The following GLRA1 variants were observed in gnomAD, a reference collection of about 807,000 sequenced individuals.
The protein encoded by GLRA1 is glycine receptor alpha 1.
GLRA1 carries 37 observed loss-of-function variants against 48.3 expected under a neutral mutation model. The observed-to-expected ratio is 0.77, with a 90% confidence interval of 0.59 to 1.01. The LOEUF is 1.01. Ranked by LOEUF, GLRA1 falls within the 50% of genes least tolerant of loss-of-function variation. The pLI, the probability that GLRA1 is intolerant of heterozygous loss-of-function variation, is 0.00. For missense variants in GLRA1, 427 were observed against 571.0 expected (o/e 0.75, Z 2.57); for synonymous variants, 196 against 210.7 (o/e 0.93, Z 0.60).
chr5:151,890,999 G>A (rs141846371), intron 2 of GLRA1, among the ~76,000 whole-genome samples: 17 of 152,352 alleles, frequency 1.1e-4, no homozygotes, highest in African/African-American at 3.8e-4. Flanking sequence ...CAAGCACTCT[G>A]AGAAGGGGAC....
At chr5:151,894,393 G>A (rs1323168547) in intron 1 of GLRA1, among the ~76,000 whole-genome samples, 6 of 152,114 alleles carry the variant, frequency 3.9e-5, no homozygotes, top group Non-Finnish European at 5.9e-5. Flanking sequence ...TTATCTCAAT[G>A]TTCTGCCAGT....
chr5:151,832,598 G>GA (rs1243357591), intron 7 of GLRA1, among the ~76,000 whole-genome samples: 1 of 152,134 alleles, frequency 6.6e-6, no homozygotes, highest in Non-Finnish European at 1.5e-5. Flanking sequence ...CAAGATTAGA[G>GA]AAAAAAGAAT....
chr5:151,883,232 C>T (rs1739371862), intron 3 of GLRA1, among the ~76,000 whole-genome samples: 1 of 152,150 alleles, frequency 6.6e-6, no homozygotes, highest in Admixed American at 6.5e-5. Flanking sequence ...GAGACCATCT[C>T]CTCTGGGGTC....
chr5:151,856,822 G>A (rs572775204), intron 4 of GLRA1, among the ~76,000 whole-genome samples: 14 of 152,228 alleles, frequency 9.2e-5, no homozygotes, highest in South Asian at 8.3e-4. Context: ...ATGCCCGGCC[G>A]TGACATGATT....
At chr5:151,840,099 GT>G (rs113124430) in intron 7 of GLRA1, among the ~76,000 whole-genome samples, 57,407 of 144,622 alleles carry the variant, frequency 0.4, 10,986 homozygotes, top group South Asian at 0.46. Context: ...AGAAAATACT[GT>G]TTTTTTTTTT....
chr5:151,841,710 T>C (rs1763715684), intron 7 of GLRA1, among the ~76,000 whole-genome samples: 1 of 152,146 alleles, frequency 6.6e-6, no homozygotes, highest in South Asian at 2.1e-4. Flanking sequence ...TGTATGCCAA[T>C]AAATTTGATA....
chr5:151,848,971 G>C (rs1752759241), intron 7 of GLRA1: 3 of 714,570 alleles, frequency 4.2e-6, no homozygotes, highest in Middle Eastern at 2.6e-4. Context: ...TCCAGGCCAT[G>C]TATGTCTGGA....
At chr5:151,884,295 G>T (rs981989584) in intron 3 of GLRA1, among the ~76,000 whole-genome samples, 1 of 152,052 alleles carries the variant, frequency 6.6e-6, no homozygotes, top group Non-Finnish European at 1.5e-5. Flanking sequence ...TGGGCCTGGT[G>T]GTGCATGTCT....
intron 1 of GLRA1, among the ~76,000 whole-genome samples, chr5:151,914,341 G>A (rs1430645912): frequency 6.6e-6 from 1 of 152,150 alleles, no homozygotes; most frequent in East Asian, 1.9e-4. Flanking sequence ...GTCTGGGCTG[G>A]ATGTGGTTTT....
chr5:151,828,867 A>G (rs1763342002), intron 8 of GLRA1, 54 bp downstream of exon 8: 1 of 1,543,614 alleles, frequency 6.5e-7, no homozygotes, highest in African/African-American at 1.4e-5. Flanking sequence ...ACTGCTTAGA[A>G]CTCTTTTGTT....
intron 8 of GLRA1, among the ~76,000 whole-genome samples, chr5:151,828,010 A>C (rs1051106783): frequency 2.6e-5 from 4 of 152,198 alleles, no homozygotes; most frequent in Non-Finnish European, 5.9e-5. Flanking sequence ...GCACAGAGCA[A>C]AACCAAACAC....
chr5:151,827,212 A>G (rs1763297430), intron 8 of GLRA1, among the ~76,000 whole-genome samples: 1 of 151,190 alleles, frequency 6.6e-6, no homozygotes, highest in Non-Finnish European at 1.5e-5. Context: ...TAGGTATTAA[A>G]TGGACAATAT....
At chr5:151,848,637 G>A (rs892269272) in intron 7 of GLRA1, among the ~76,000 whole-genome samples, 1 of 152,176 alleles carries the variant, frequency 6.6e-6, no homozygotes, top group African/African-American at 2.4e-5. Context: ...TCATGGGAGC[G>A]GGAGAGTAAG....
At chr5:151,831,477 C>A (rs1170835786) in intron 7 of GLRA1, among the ~76,000 whole-genome samples, 1 of 152,142 alleles carries the variant, frequency 6.6e-6, no homozygotes, top group African/African-American at 2.4e-5. Context: ...GGAGTGTCCA[C>A]CATTACTGAG....
intron 3 of GLRA1, among the ~76,000 whole-genome samples, chr5:151,881,021 A>G (rs1753747787): frequency 6.6e-6 from 1 of 152,242 alleles, no homozygotes; most frequent in Non-Finnish European, 1.5e-5. Context: ...ACTTATATCC[A>G]TACCTATAGA....
intron 1 of GLRA1, among the ~76,000 whole-genome samples, chr5:151,922,295 T>G (rs1435671147): frequency 6.6e-6 from 1 of 152,230 alleles, no homozygotes; most frequent in Admixed American, 6.5e-5. Context: ...ATTATAATGC[T>G]TCTGTATTTT....
At chr5:151,850,223 C>T (rs1752864787) in intron 7 of GLRA1, 3 of 1,604,130 alleles carry the variant, frequency 1.9e-6, no homozygotes, top group Non-Finnish European at 2.6e-6. Flanking sequence ...ACCAGGCCTG[C>T]TTGTATGCTG....
chr5:151,889,791 G>A (rs1754013500), intron 2 of GLRA1, among the ~76,000 whole-genome samples: 1 of 152,098 alleles, frequency 6.6e-6, no homozygotes, highest in Non-Finnish European at 1.5e-5. Context: ...AGGCATCAAA[G>A]GGCTCAGGGC....
At chr5:151,890,029 C>T (rs773682172) in intron 2 of GLRA1, among the ~76,000 whole-genome samples, 1 of 151,976 alleles carries the variant, frequency 6.6e-6, no homozygotes, top group Non-Finnish European at 1.5e-5. Flanking sequence ...GAAGGTTGGA[C>T]GGACCTTGAT....
Sources: gnomAD v4.1 joint callset for allele counts (sites outside exome capture counted in the v4.1 genomes callset) on GRCh38, gnomAD v4.1.1 for gene constraint, MANE v1.5 for transcripts, NCBI Gene and HGNC (gene_info 2026-07-23, HGNC 2026-07-21) for gene names.